Variants in PTER observed in about 807,000 individuals in gnomAD.
PTER encodes the protein phosphotriesterase related.
Under a neutral mutation model 29.6 loss-of-function variants are expected in PTER, and 38 were observed. The ratio of observed to expected loss-of-function variants is 1.28; its 90% CI spans 0.99 to 1.68. PTER has a LOEUF of 1.68. Among genes scored for constraint, PTER ranks in the 40% most tolerant of loss-of-function variants. The pLI, the probability that PTER is intolerant of heterozygous loss-of-function variation, is 0.00. For missense variants in PTER, 482 were observed against 427.8 expected (o/e 1.13, Z -1.12); for synonymous variants, 172 against 154.5 (o/e 1.11, Z -0.84).
intron 3 of PTER, among the ~76,000 whole-genome samples, chr10:16,488,915 T>C (rs1835798717): frequency 6.6e-6 from 1 of 152,214 alleles, no homozygotes; most frequent in African/African-American, 2.4e-5. Flanking sequence ...TAAATTTCTT[T>C]TAATTGCGTG....
chr10:16,477,771 A>G (rs1002950939), intron 1 of PTER, among the ~76,000 whole-genome samples: 1 of 152,226 alleles, frequency 6.6e-6, no homozygotes, highest in African/African-American at 2.4e-5. Context: ...TCCAGATGAA[A>G]CTATGAGAGG....
chr10:16,517,834 T>G (rs193266204), downstream of PTER, among the ~76,000 whole-genome samples: 917 of 152,374 alleles, frequency 6.0e-3, 6 homozygotes, highest in Admixed American at 0.012. Context: ...TCATTTTCAT[T>G]GTACTTCTGT....
At chr10:16,444,552 G>A (rs952506260) in intron 1 of PTER, among the ~76,000 whole-genome samples, 1 of 151,894 alleles carries the variant, frequency 6.6e-6, no homozygotes, top group Non-Finnish European at 1.5e-5. Flanking sequence ...GATGCACCTG[G>A]TTAATTTAAA....
At position 16,486,538 on chromosome 10, in the gene PTER, A is replaced by G. The variant is rs756016189; in HGVS notation, c.619A>G (p.Arg207Gly). The G allele has an allele frequency of 1.2e-6, 2 of 1,613,950 alleles. No homozygotes were observed. Among genetic ancestry groups the G allele is most frequent in the East Asian group, 4.5e-5 (2 of 44,880 alleles). Residue 207 changes from arginine (R) to glycine (G), a missense_variant, in exon 3 of 5, where the codon AGG (arginine) becomes GGG (glycine). By Grantham distance (125) the Arg-to-Gly change is moderately radical. Transcript: ENST00000535784. The stretch of plus-strand genomic sequence containing the variant: ...TATTATCCATCCTGGACGGAGCTCC[A>G]GGGCACCATTTCAGATTATCCGAAT... ...PVIIHPGRSS[R>G]APFQIIRILQ... is the part of the protein sequence containing the mutation.
At chr10:16,476,569 C>T (rs1285695819) in intron 1 of PTER, among the ~76,000 whole-genome samples, 1 of 151,968 alleles carries the variant, frequency 6.6e-6, no homozygotes, top group Non-Finnish European at 1.5e-5. Context: ...TTGGGTTCTT[C>T]TTTTTTATTT....
In PTER at chr10:16,437,051, A is replaced by G. The variant is rs932010055; in HGVS notation, c.-49+4A>G. The G allele has an allele frequency of 2.0e-5, 3 of 152,562 alleles. No individual in the cohort carries two copies. Among genetic ancestry groups the G allele is most frequent in the African/African-American group, 4.8e-5 (2 of 41,456 alleles). The allele number at this position is 152,562 out of a possible 1,614,324, so 9.5% of individuals were successfully genotyped here. On this transcript the variant is annotated splice_donor_region_variant and intron_variant, in intron 1 of 4. Transcript: ENST00000535784. ...AAGGCAGCGCGTTGTACCCGAGGTA[A>G]GGCTTCTTGGAGTCAGAGCAGGAGC... is the stretch of plus-strand genomic sequence containing the variant.
At chr10:16,453,548 A>T (rs1376059795) in intron 1 of PTER, among the ~76,000 whole-genome samples, 1 of 152,180 alleles carries the variant, frequency 6.6e-6, no homozygotes, top group Non-Finnish European at 1.5e-5. Flanking sequence ...GAAGAATGAT[A>T]ATAAATAATT....
chr10:16,501,854 T>C (rs1489237195), intron 3 of PTER, among the ~76,000 whole-genome samples: 13 of 152,212 alleles, frequency 8.5e-5, no homozygotes, highest in Non-Finnish European at 1.5e-4. Flanking sequence ...AGTTTCTCAG[T>C]CTTCAGAATT....
intron 1 of PTER, among the ~76,000 whole-genome samples, chr10:16,442,454 G>T (rs1833881369): frequency 6.6e-6 from 1 of 152,288 alleles, no homozygotes; most frequent in South Asian, 2.1e-4. Context: ...GCTGTCATCT[G>T]ATTGCCATCA....
At chr10:16,453,342 T>C (rs1259974222) in intron 1 of PTER, among the ~76,000 whole-genome samples, 2 of 152,210 alleles carry the variant, frequency 1.3e-5, no homozygotes, top group Non-Finnish European at 2.9e-5. Context: ...AAACTAAAAA[T>C]TGTGCATATA....
intron 1 of PTER, among the ~76,000 whole-genome samples, chr10:16,440,703 G>A (rs1249957091): frequency 6.6e-6 from 1 of 152,234 alleles, no homozygotes; most frequent in Admixed American, 6.5e-5. Flanking sequence ...CTCTGCCGCA[G>A]TGACCATCCA....
At chr10:16,509,481 A>G (rs763083774) in intron 4 of PTER, among the ~76,000 whole-genome samples, 1 of 152,244 alleles carries the variant, frequency 6.6e-6, no homozygotes, top group Non-Finnish European at 1.5e-5. Flanking sequence ...GTGAGAAATT[A>G]TATTTATCAG....
chr10:16,455,674 G>C (rs976102689), intron 1 of PTER, among the ~76,000 whole-genome samples: 1 of 152,176 alleles, frequency 6.6e-6, no homozygotes, highest in Non-Finnish European at 1.5e-5. Context: ...CTGGGCAACA[G>C]AGCGAGACCC....
chr10:16,472,550 T>C lies in PTER; in HGVS notation c.-48-11787T>C, dbSNP rs545754866. 9.2e-5 allele frequency among the ~76,000 whole-genome samples: 14 copies of C among 152,308 alleles called. No individual in the cohort carries two copies. The East Asian group carries it at 2.1e-3, about 23-fold the overall frequency. ...GTTCCTCATTTGCCGTCCGCCATGA[T>C]TGAGAGTCCTCCCCAGCCATATGGA... is the stretch of plus-strand genomic sequence containing the variant. On this transcript the variant is annotated intron_variant, in intron 1 of 4. Transcript: ENST00000535784.
intron 3 of PTER, among the ~76,000 whole-genome samples, chr10:16,500,093 T>C (rs1263255497): frequency 6.6e-6 from 1 of 152,112 alleles, no homozygotes; most frequent in East Asian, 1.9e-4. Context: ...TCAGCCTAAT[T>C]GCTTCCCTTC....
intron 1 of PTER, among the ~76,000 whole-genome samples, chr10:16,454,691 TATA>T (rs997810152): frequency 7.4e-4 from 113 of 151,884 alleles, no homozygotes; most frequent in African/African-American, 2.6e-3. Flanking sequence ...TGTCAAGACA[TATA>T]ATATAATTTC....
chr10:16,446,611 G>T (rs1834021521), intron 1 of PTER, among the ~76,000 whole-genome samples: 3 of 151,982 alleles, frequency 2.0e-5, no homozygotes, highest in Non-Finnish European at 1.5e-5. Flanking sequence ...TGTTAGATTT[G>T]TTATATATAT....
At chr10:16,506,446 T>C (rs1331902903) in intron 4 of PTER, among the ~76,000 whole-genome samples, 1 of 152,164 alleles carries the variant, frequency 6.6e-6, no homozygotes, top group Non-Finnish European at 1.5e-5. Context: ...AGGGTTACTA[T>C]AGAATTGACA....
intron 1 of PTER, among the ~76,000 whole-genome samples, chr10:16,447,690 G>C (rs986923874): frequency 3.9e-5 from 6 of 151,968 alleles, no homozygotes. Flanking sequence ...ATAAGGTCTT[G>C]GTCCATATTC....
Sources: allele counts gnomAD v4.1 joint callset (sites outside exome capture counted in the v4.1 genomes callset), GRCh38; gene constraint gnomAD v4.1.1; transcripts MANE v1.5; gene names NCBI Gene and HGNC (gene_info 2026-07-23, HGNC 2026-07-21).